CMC1: variants seen among roughly 807,000 people sequenced by gnomAD.
CMC1 encodes COX assembly mitochondrial protein homolog.
In CMC1, 14 loss-of-function variants were observed where a neutral mutation model predicts 14.1. That is an observed-to-expected ratio of 0.99 (90% CI 0.66 to 1.55). The LOEUF (loss-of-function observed/expected upper bound fraction) is 1.55. Ranked by LOEUF, CMC1 falls within the 40% of genes most tolerant of loss-of-function variation. CMC1 has a pLI of 0.00. For synonymous variants in CMC1, 50 were observed against 38.4 expected, an observed-to-expected ratio of 1.30 and a Z score of -1.12; for missense variants, 127 against 123.8, an observed-to-expected ratio of 1.03 and a Z score of -0.12.
intron 2 of CMC1, among the ~76,000 whole-genome samples, chr3:28,293,225 G>T (rs1367115440): frequency 6.6e-6 from 1 of 151,994 alleles, no homozygotes; most frequent in Non-Finnish European, 1.5e-5. Context: ...TGGTTGTTCT[G>T]TGTATGGGCT....
At chr3:28,300,919 C>T (rs1702011038) in intron 2 of CMC1, among the ~76,000 whole-genome samples, 1 of 125,764 alleles carries the variant, frequency 8.0e-6, no homozygotes, top group African/African-American at 3.0e-5. Flanking sequence ...AGACATACCC[C>T]CCCGACGTGT....
chr3:28,248,820 C>T (rs545313165), intron 1 of CMC1, among the ~76,000 whole-genome samples: 5 of 152,124 alleles, frequency 3.3e-5, no homozygotes, highest in South Asian at 2.1e-4. Flanking sequence ...GACAGAGTCT[C>T]GCTCTGTTGC....
chr3:28,294,138 T>A (rs192327194), intron 2 of CMC1, among the ~76,000 whole-genome samples: 294 of 152,288 alleles, frequency 1.9e-3, no homozygotes, highest in African/African-American at 6.6e-3. Flanking sequence ...AACAGGATCA[T>A]CTGTTCTACT....
At chr3:28,316,191 G>A in intron 2 of CMC1, 142 bp from the exon 3 acceptor site, 1 of 516,094 alleles carries the variant, frequency 1.9e-6, no homozygotes, top group South Asian at 3.0e-5. Context: ...GTTCAAGGCT[G>A]CAGTGAGCTA....
intron 2 of CMC1, among the ~76,000 whole-genome samples, chr3:28,286,561 A>G (rs1416256643): frequency 6.6e-6 from 1 of 152,226 alleles, no homozygotes; most frequent in Non-Finnish European, 1.5e-5. Context: ...ATTCAGGAAT[A>G]TACCTATTTG....
At position 28,274,206 on chromosome 3, in the gene CMC1, G is replaced by GTTTTTTTTTTTTTTTT. The variant is rs1265139321; in HGVS notation, c.109+10831_109+10832insTTTTTTTTTTTTTTTT. Among the ~76,000 whole-genome samples, 461 of 82,946 alleles carry GTTTTTTTTTTTTTTTT rather than the reference G, an allele frequency of 5.6e-3. 56 individuals carry two copies. Among genetic ancestry groups the GTTTTTTTTTTTTTTTT allele is most frequent in the East Asian group, 0.022 (50 of 2,242 alleles). 54.4% of individuals were successfully genotyped at this position (82,946 alleles called of 152,430 possible). ...GTGTCATTGGTCTTTGTACTAAAGT[G>GTTTTTTTTTTTTTTTT]TTTTTGTTTTTTTCTTTTTTTTTTT... On this transcript the variant is annotated intron_variant, in intron 2 of 3. Transcript: ENST00000466830.
intron 1 of CMC1, among the ~76,000 whole-genome samples, chr3:28,256,448 CTTT>C (rs1699415389): frequency 6.6e-6 from 1 of 152,116 alleles, no homozygotes; most frequent in African/African-American, 2.4e-5. Flanking sequence ...TGATAATCTT[CTTT>C]ATGTGAATCT....
chr3:28,297,294 T>G (rs929329719), intron 2 of CMC1: 1 of 152,052 alleles, frequency 6.6e-6, no homozygotes, highest in Non-Finnish European at 1.5e-5. Flanking sequence ...ACAATCAGTG[T>G]GGGCTTAAAG....
chr3:28,286,054 C>T lies in CMC1; in HGVS notation c.109+22674C>T, dbSNP rs183452122. ...TGCTGGGATTACAGGCATGAGCCACCGCACCTGGCAGCATTTTCTTTTATG... is the reference window on the plus strand; with the variant it reads ...TGCTGGGATTACAGGCATGAGCCACTGCACCTGGCAGCATTTTCTTTTATG... On this transcript the variant is annotated intron_variant, in intron 2 of 3. Transcript: ENST00000466830. 3.5e-4 allele frequency among the ~76,000 whole-genome samples: 54 copies of T among 152,170 alleles called. 1 individual carries two copies. In the East Asian group the frequency reaches 9.3e-3, roughly 26 times the overall value.
At chr3:28,259,551 A>G (rs1274584735) in intron 1 of CMC1, among the ~76,000 whole-genome samples, 1 of 152,176 alleles carries the variant, frequency 6.6e-6, no homozygotes, top group Non-Finnish European at 1.5e-5. Flanking sequence ...TCTTAGTCGA[A>G]TTTCACCACT....
At chr3:28,276,115 G>A (rs1402978296) in intron 2 of CMC1, among the ~76,000 whole-genome samples, 8 of 152,006 alleles carry the variant, frequency 5.3e-5, no homozygotes, top group Non-Finnish European at 1.2e-4. Context: ...AGTCCCAACC[G>A]CCTAGCCAGT....
At position 28,286,482 on chromosome 3, in the gene CMC1, T is replaced by C. The variant is rs116450412; in HGVS notation, c.109+23102T>C. Among the ~76,000 whole-genome samples, 1,105 of 152,326 alleles carry C rather than the reference T, an allele frequency of 7.3e-3. 13 individuals carry two copies. The highest frequency in any genetic ancestry group is 0.023 in the African/African-American group (938 of 41,568). ...ATATTAAATAGACTTGTTAAGTATG[T>C]CTTTCTTATCTGCTACATGATTCCT... On this transcript the variant is annotated intron_variant, in intron 2 of 3. Coordinates refer to ENST00000466830, the MANE Select transcript of CMC1 (RefSeq NM_182523.2).
chr3:28,317,422 A>G (rs1002104663), intron 3 of CMC1: 1 of 151,976 alleles, frequency 6.6e-6, no homozygotes, highest in Non-Finnish European at 1.5e-5. Flanking sequence ...ATAGGAGTAA[A>G]AGTTCATTCT....
At chr3:28,281,898 C>T (rs1266609278) in intron 2 of CMC1, among the ~76,000 whole-genome samples, 1 of 152,046 alleles carries the variant, frequency 6.6e-6, no homozygotes, top group African/African-American at 2.4e-5. Context: ...TTTGTTGATA[C>T]AGCAGCAAAG....
At chr3:28,253,784 AT>A in intron 1 of CMC1, 1 of 1,240,976 alleles carries the variant, frequency 8.1e-7, no homozygotes, top group Non-Finnish European at 1.1e-6. Flanking sequence ...TAACTAGTAA[AT>A]TTTTTAAAAA....
chr3:28,256,177 A>G (rs1196686035), intron 1 of CMC1, among the ~76,000 whole-genome samples: 1 of 151,378 alleles, frequency 6.6e-6, no homozygotes, highest in Non-Finnish European at 1.5e-5. Flanking sequence ...ATATATATAC[A>G]CACATATGCA....
chr3:28,247,854 CT>C (rs537013089), intron 1 of CMC1, among the ~76,000 whole-genome samples: 16 of 148,258 alleles, frequency 1.1e-4, no homozygotes, highest in Non-Finnish European at 1.6e-4. Context: ...CTAAGCTGTA[CT>C]TTTTTTTTTG....
At chr3:28,255,340 A>C (rs1331375648) in intron 1 of CMC1, among the ~76,000 whole-genome samples, 1 of 150,164 alleles carries the variant, frequency 6.7e-6, no homozygotes, top group Non-Finnish European at 1.5e-5. Flanking sequence ...TCCCGGGTTC[A>C]AGCAATTCTC....
intron 2 of CMC1, among the ~76,000 whole-genome samples, chr3:28,270,732 C>G (rs1437138622): frequency 2.0e-5 from 3 of 151,816 alleles, no homozygotes; most frequent in African/African-American, 7.3e-5. Context: ...GTTTCTTTTG[C>G]TATGTAGAAA....
Sources: gnomAD v4.1 joint callset for allele counts (sites outside exome capture counted in the v4.1 genomes callset) on GRCh38, gnomAD v4.1.1 for gene constraint, MANE v1.5 for transcripts, NCBI Gene and HGNC (gene_info 2026-07-23, HGNC 2026-07-21) for gene names.